Variants in NAMPT observed in about 807,000 individuals in gnomAD.
NAMPT encodes the protein nicotinamide phosphoribosyltransferase.
NAMPT carries 7 observed loss-of-function variants against 58.7 expected under a neutral mutation model. That is an observed-to-expected ratio of 0.12 (90% confidence interval 0.07 to 0.22). NAMPT has a LOEUF of 0.22. NAMPT is among the 10% of genes least tolerant of loss of function. The pLI, the probability that NAMPT is intolerant of heterozygous loss-of-function variation, is 1.00. For synonymous variants in NAMPT, 145 were observed against 198.1 expected (o/e 0.73, Z 2.25); for missense variants, 271 against 567.9 (o/e 0.48, Z 5.31).
At chr7:106,269,435 C>T in intron 4 of NAMPT, 123 bp from the exon 5 acceptor site, 1 of 831,658 alleles carries the variant, frequency 1.2e-6, no homozygotes, top group South Asian at 1.8e-5. Flanking sequence ...TAACTAGACA[C>T]AGAACTGCGC....
intron 3 of NAMPT, among the ~76,000 whole-genome samples, chr7:106,273,116 C>G (rs1218017394): frequency 1.3e-5 from 2 of 152,074 alleles, no homozygotes; most frequent in East Asian, 1.9e-4. Flanking sequence ...CAAAAGAAAA[C>G]AAAACGAGAG....
intron 4 of NAMPT, among the ~76,000 whole-genome samples, chr7:106,271,042 C>G (rs1373900917): frequency 6.6e-6 from 1 of 152,066 alleles, no homozygotes; most frequent in Non-Finnish European, 1.5e-5. Context: ...CTTCTTTAGT[C>G]TAATTATTCT....
intron 2 of NAMPT, 38 bp from the exon 3 acceptor site, chr7:106,275,087 G>T (rs1792606680): frequency 1.5e-6 from 2 of 1,303,112 alleles, no homozygotes; most frequent in African/African-American, 1.5e-5. Flanking sequence ...ATTTCTAAAG[G>T]TGCATTCTGT....
intron 8 of NAMPT, among the ~76,000 whole-genome samples, chr7:106,258,060 C>T (rs145372125): frequency 1.3e-5 from 2 of 152,204 alleles, no homozygotes; most frequent in Non-Finnish European, 1.5e-5. Context: ...AGGTCCTCCC[C>T]CTTCTCCCTG....
At chr7:106,285,137 C>A (rs975338122), upstream of NAMPT, 8 of 1,287,398 alleles carry the variant, frequency 6.2e-6, no homozygotes, top group Non-Finnish European at 7.9e-6. Context: ...CACCTCGGTT[C>A]CCCCGCCTTC....
intron 6 of NAMPT, 154 bp downstream of exon 6, chr7:106,268,310 G>A: frequency 2.9e-6 from 2 of 678,786 alleles, no homozygotes; most frequent in Non-Finnish European, 4.9e-6. Flanking sequence ...TAAGACTAAT[G>A]TTTATACTTT....
At chr7:106,269,445 C>G (rs1287371268) in intron 4 of NAMPT, 133 bp from the exon 5 acceptor site, 1 of 769,930 alleles carries the variant, frequency 1.3e-6, no homozygotes, top group Non-Finnish European at 2.0e-6. Context: ...CAGAACTGCG[C>G]AGCAGGATGC....
At position 106,284,902 on chromosome 7, in the gene NAMPT, G is replaced by GGGCC; in HGVS notation, c.-22_-19dup. On this transcript the variant is annotated 5_prime_UTR_variant, in exon 1 of 11. Coordinates refer to ENST00000222553, the MANE Select transcript of NAMPT (RefSeq NM_005746.3). ...GGATTCATCTCGGGCCGGAGGACAG[G>GGGCC]GGCCGCGCGCCGCGAGCTCCCTGGC... is the stretch of plus-strand genomic sequence containing the variant. 6.3e-7 allele frequency: 1 copy of GGGCC among 1,577,384 alleles called. No individual in the cohort carries two copies. Among genetic ancestry groups the GGGCC allele is most frequent in the Non-Finnish European group, 8.6e-7 (1 of 1,160,782 alleles).
chr7:106,253,199 GA>G, intron 9 of NAMPT, 48 bp from the exon 10 acceptor site: 1 of 1,591,932 alleles, frequency 6.3e-7, no homozygotes. Context: ...CTAATCATCA[GA>G]AATGTCTAAA....
chr7:106,285,067 G>A (rs1474012207), upstream of NAMPT: 12 of 1,358,344 alleles, frequency 8.8e-6, no homozygotes, highest in African/African-American at 8.9e-5. Context: ...CCGTGACGCG[G>A]CGCGGGTGAC....
intron 8 of NAMPT, among the ~76,000 whole-genome samples, chr7:106,257,894 GGTGT>G (rs34473858): frequency 2.0e-5 from 3 of 151,316 alleles, no homozygotes; most frequent in Non-Finnish European, 4.4e-5. Flanking sequence ...AAGGGGGAGG[GGTGT>G]GTGTGTGTGT....
chr7:106,259,405 C>T (rs1792263812), intron 8 of NAMPT, among the ~76,000 whole-genome samples: 1 of 152,144 alleles, frequency 6.6e-6, no homozygotes, highest in Non-Finnish European at 1.5e-5. Context: ...ATGGTGAACC[C>T]TTTCAGCTAC....
intron 8 of NAMPT, among the ~76,000 whole-genome samples, chr7:106,258,361 A>C (rs529553623): frequency 1.3e-5 from 2 of 152,336 alleles, no homozygotes; most frequent in South Asian, 4.1e-4. Flanking sequence ...CTCTATCTCC[A>C]CCAAACTCTT....
At position 106,264,920 on chromosome 7, in the gene NAMPT, C is replaced by T. The variant is rs533071350; in HGVS notation, c.744-1303G>A. Among the ~76,000 whole-genome samples the T allele has an allele frequency of 4.0e-5, 6 of 151,766 alleles. No individual in the cohort carries two copies. In the East Asian group the frequency reaches 9.7e-4, roughly 24 times the overall value. ...AAAGGACTAGACTTAGAACCTTTCC[C>T]CATACTGTCAATGGTATACCTGGGG... On this transcript the variant is annotated intron_variant, in intron 6 of 10. Transcript: ENST00000222553.
intron 6 of NAMPT, among the ~76,000 whole-genome samples, chr7:106,267,178 T>A (rs530035272): frequency 6.6e-6 from 1 of 152,382 alleles, no homozygotes; most frequent in Admixed American, 6.5e-5. Flanking sequence ...TTGATCCTGC[T>A]AGTGAAGGAA....
At chr7:106,260,546 G>A (rs1313353042) in intron 8 of NAMPT, among the ~76,000 whole-genome samples, 3 of 152,196 alleles carry the variant, frequency 2.0e-5, no homozygotes, top group African/African-American at 4.8e-5. Flanking sequence ...GTAGCACTTT[G>A]ATTTTTCTTC....
At chr7:106,281,042 A>C (rs1187625347) in intron 1 of NAMPT, among the ~76,000 whole-genome samples, 1 of 150,262 alleles carries the variant, frequency 6.7e-6, no homozygotes, top group African/African-American at 2.5e-5. Context: ...AAACTTCTAA[A>C]AATTATTACA....
chr7:106,264,620 G>A (rs1043831506), intron 6 of NAMPT, among the ~76,000 whole-genome samples: 1 of 152,066 alleles, frequency 6.6e-6, no homozygotes, highest in East Asian at 1.9e-4. Context: ...CTCAACCTGT[G>A]TAAATATTTG....
intron 8 of NAMPT, among the ~76,000 whole-genome samples, chr7:106,260,297 T>G (rs1449261547): frequency 6.6e-6 from 1 of 152,240 alleles, no homozygotes; most frequent in Non-Finnish European, 1.5e-5. Flanking sequence ...CATTCTGCAC[T>G]CATGGAGATG....
Sources: gnomAD v4.1 joint callset for allele counts (sites outside exome capture counted in the v4.1 genomes callset) on GRCh38, gnomAD v4.1.1 for gene constraint, MANE v1.5 for transcripts, NCBI Gene and HGNC (gene_info 2026-07-23, HGNC 2026-07-21) for gene names.